The following RGS6 variants were observed in gnomAD, a reference collection of about 807,000 sequenced individuals.
RGS6 encodes the protein regulator of G-protein signaling 6.
Under a neutral mutation model 78.5 loss-of-function variants are expected in RGS6, and 30 were observed. That is an observed-to-expected ratio of 0.38 (90% CI 0.29 to 0.52). The LOEUF is 0.52. Ranked by LOEUF, RGS6 falls within the 20% of genes least tolerant of loss-of-function variation. The pLI is 0.85. For synonymous variants in RGS6, 206 were observed against 206.0 expected (o/e 1.00, Z 0.00); for missense variants, 495 against 609.7 (o/e 0.81, Z 1.98).
intron 12 of RGS6, among the ~76,000 whole-genome samples, chr14:72,483,889 T>C (rs1262268994): frequency 1.3e-5 from 2 of 152,170 alleles, no homozygotes; most frequent in Non-Finnish European, 2.9e-5. Context: ...AGTTTCTCTA[T>C]TGAATGTGTT....
chr14:72,595,556 G>A, the RGS6 span, among the ~76,000 whole-genome samples: 6 of 152,218 alleles, frequency 3.9e-5, no homozygotes, highest in Admixed American at 2.0e-4. Flanking sequence ...CAGGTTTTAT[G>A]AAGGTCCTCA....
In RGS6 at chr14:72,563,945, G is replaced by A. The variant is rs2097698255; in HGVS notation, c.*1478G>A. On this transcript the variant is annotated 3_prime_UTR_variant, in exon 18 of 18. Coordinates refer to ENST00000553525, the MANE Select transcript of RGS6 (RefSeq NM_001204424.2). ...GAGCATATAAACAAAAAACATAGAA[G>A]CAATAAAGCGATCGCTGGTATTTCT... 6.6e-6 allele frequency: 1 copy of A among 152,068 alleles called. No individual in the cohort carries two copies. Among genetic ancestry groups the A allele is most frequent in the South Asian group, 2.1e-4 (1 of 4,824 alleles). The allele number at this position is 152,068 out of a possible 1,614,324, so 9.4% of individuals were successfully genotyped here. A position where few individuals can be genotyped will look rare whatever the true frequency, so the allele number is the denominator to read the frequency against.
At chr14:71,891,365 C>A in the RGS6 span, among the ~76,000 whole-genome samples, 46,050 of 152,052 alleles carry the variant, frequency 0.3, 10,081 homozygotes, top group African/African-American at 0.62. Flanking sequence ...AAGGTGGCTC[C>A]TCCCATGGCT....
At chr14:72,492,530 A>G (rs2153407453) in intron 12 of RGS6, among the ~76,000 whole-genome samples, 1 of 152,342 alleles carries the variant, frequency 6.6e-6, no homozygotes, top group East Asian at 1.9e-4. Context: ...GGCGAAAAAG[A>G]ATTCTTGTTT....
intron 12 of RGS6, among the ~76,000 whole-genome samples, chr14:72,492,583 G>T (rs2283376): frequency 0.34 from 51,142 of 151,954 alleles, 8,944 homozygotes; most frequent in East Asian, 0.64. Context: ...GGAGACGGGG[G>T]CAGGAGAGAA....
chr14:72,579,416 A>G, the RGS6 span, among the ~76,000 whole-genome samples: 1 of 152,224 alleles, frequency 6.6e-6, no homozygotes, highest in African/African-American at 2.4e-5. Context: ...AGTCAGCCAA[A>G]TAATAAAGCT....
intron 3 of RGS6, among the ~76,000 whole-genome samples, chr14:72,436,399 A>G (rs997726279): frequency 6.6e-6 from 1 of 152,180 alleles, no homozygotes; most frequent in Non-Finnish European, 1.5e-5. Context: ...GGTAGTAAGC[A>G]TGGATATGAC....
At chr14:71,998,510 A>G (rs1422025872) in intron 2 of RGS6, among the ~76,000 whole-genome samples, 2 of 152,226 alleles carry the variant, frequency 1.3e-5, no homozygotes, top group Non-Finnish European at 2.9e-5. Context: ...GAAAGCCACC[A>G]TGGCTGCAGC....
intron 3 of RGS6, among the ~76,000 whole-genome samples, chr14:72,357,781 G>A (rs973044815): frequency 2.0e-5 from 3 of 152,154 alleles, no homozygotes; most frequent in Non-Finnish European, 4.4e-5. Context: ...TTTCTGGGGA[G>A]AAATTCAAGC....
chr14:72,281,354 G>A (rs1183487075), intron 2 of RGS6, among the ~76,000 whole-genome samples: 1 of 151,912 alleles, frequency 6.6e-6, no homozygotes, highest in East Asian at 1.9e-4. Flanking sequence ...TCTCCATGTT[G>A]GCCAGGCTGG....
chr14:72,440,494 A>G, intron 3 of RGS6, among the ~76,000 whole-genome samples: 1 of 147,020 alleles, frequency 6.8e-6, no homozygotes, highest in East Asian at 2.0e-4. Flanking sequence ...GGCTCACTGC[A>G]GTCTGCCTCC....
chr14:72,127,602 G>A (rs187260080), intron 2 of RGS6, among the ~76,000 whole-genome samples: 1 of 151,820 alleles, frequency 6.6e-6, no homozygotes, highest in African/African-American at 2.4e-5. Flanking sequence ...CAATTAACCA[G>A]GGCTTAAAAA....
At chr14:72,528,033 C>T (rs1447908857) in intron 15 of RGS6, among the ~76,000 whole-genome samples, 1 of 152,210 alleles carries the variant, frequency 6.6e-6, no homozygotes, top group African/African-American at 2.4e-5. Context: ...TCTGTGCTGT[C>T]TTAGGAGCCC....
At chr14:72,291,783 G>A (rs2063619351) in intron 2 of RGS6, among the ~76,000 whole-genome samples, 1 of 152,148 alleles carries the variant, frequency 6.6e-6, no homozygotes, top group South Asian at 2.1e-4. Context: ...AAAAAAGAAA[G>A]GGCCGAGCAC....
chr14:72,001,862 T>G (rs948050857), intron 2 of RGS6, among the ~76,000 whole-genome samples: 1 of 151,710 alleles, frequency 6.6e-6, no homozygotes, highest in African/African-American at 2.4e-5. Context: ...TGTGCAGAAC[T>G]TTAGTCTTTG....
upstream of RGS6, among the ~76,000 whole-genome samples, chr14:71,929,616 G>C (rs151074185): frequency 7.0e-4 from 107 of 152,264 alleles, 2 homozygotes; most frequent in South Asian, 2.3e-3. Context: ...TTAGAGATAT[G>C]CTTTGAGACT....
At chr14:72,418,268 G>A (rs2093962171) in intron 3 of RGS6, among the ~76,000 whole-genome samples, 2 of 151,906 alleles carry the variant, frequency 1.3e-5, no homozygotes, top group Non-Finnish European at 2.9e-5. Flanking sequence ...CCGGGTTCAA[G>A]CAATTCTCCT....
chr14:72,248,611 CT>C (rs779296755), intron 2 of RGS6, among the ~76,000 whole-genome samples: 27 of 152,294 alleles, frequency 1.8e-4, no homozygotes, highest in Non-Finnish European at 2.9e-4. Flanking sequence ...GAAACATATT[CT>C]TTTAATTCTT....
intron 3 of RGS6, among the ~76,000 whole-genome samples, chr14:72,428,272 A>C (rs1323856544): frequency 6.6e-6 from 1 of 152,216 alleles, no homozygotes; most frequent in African/African-American, 2.4e-5. Context: ...TGGTCTCAAC[A>C]TTTCTAACGG....
Sources: allele counts gnomAD v4.1 joint callset (sites outside exome capture counted in the v4.1 genomes callset), GRCh38; gene constraint gnomAD v4.1.1; transcripts MANE v1.5; gene names NCBI Gene and HGNC (gene_info 2026-07-23, HGNC 2026-07-21).